CPHXL2: variants seen among roughly 807,000 people sequenced by gnomAD.
The protein encoded by CPHXL2 is cytoplasmic polyadenylated homeobox like 2.
chr16:75,662,801 T>A, the CPHXL2 span, among the ~76,000 whole-genome samples: 93 of 141,228 alleles, frequency 6.6e-4, no homozygotes, highest in African/African-American at 2.4e-3. Flanking sequence ...TAATTCTTTT[T>A]TTTTTTTTTT....
At chr16:75,660,555 C>T in the CPHXL2 span, 1 of 398,562 alleles carries the variant, frequency 2.5e-6, no homozygotes. Flanking sequence ...CAACATCATC[C>T]CCTCTGAGTA....
chr16:75,675,205 A>C, the CPHXL2 span, among the ~76,000 whole-genome samples: 1 of 149,190 alleles, frequency 6.7e-6, no homozygotes. Context: ...AAAAAAAAAA[A>C]GAGATGGGGT....
the CPHXL2 span, among the ~76,000 whole-genome samples, chr16:75,668,367 T>G: frequency 6.6e-6 from 1 of 151,932 alleles, no homozygotes; most frequent in African/African-American, 2.4e-5. Context: ...TAGCTGAGAT[T>G]ACAGGCACGC....
chr16:75,676,869 G>T, the CPHXL2 span: 1 of 397,906 alleles, frequency 2.5e-6, no homozygotes, highest in South Asian at 1.3e-4. Flanking sequence ...ATATCAAACT[G>T]ACTGCCCACA....
the CPHXL2 span, among the ~76,000 whole-genome samples, chr16:75,673,530 C>T: frequency 6.6e-6 from 1 of 152,030 alleles, no homozygotes; most frequent in Non-Finnish European, 1.5e-5. Context: ...TTTCCTAGGT[C>T]TGTCTACCTG....
At chr16:75,676,047 C>G in the CPHXL2 span, among the ~76,000 whole-genome samples, 1 of 151,982 alleles carries the variant, frequency 6.6e-6, no homozygotes, top group Non-Finnish European at 1.5e-5. Context: ...CCATTGCACT[C>G]CAGCCTGGGT....
chr16:75,664,625 C>CAAAAAAAAAAAAAAAAAAAA, the CPHXL2 span, among the ~76,000 whole-genome samples: 1 of 113,094 alleles, frequency 8.8e-6, no homozygotes. Context: ...AACTCCATCT[C>CAAAAAAAAAAAAAAAAAAAA]AAAAAAAAAA....
chr16:75,665,700 T>C, the CPHXL2 span, among the ~76,000 whole-genome samples: 1 of 152,108 alleles, frequency 6.6e-6, no homozygotes, highest in Non-Finnish European at 1.5e-5. Flanking sequence ...CCAATTCTAC[T>C]AAAAATACAA....
chr16:75,660,872 CT>C, the CPHXL2 span: 1 of 398,536 alleles, frequency 2.5e-6, no homozygotes, highest in African/African-American at 2.1e-5. Context: ...AGCCTGGATG[CT>C]TTTCAGTACC....
chr16:75,660,329 G>A, the CPHXL2 span: 1 of 398,368 alleles, frequency 2.5e-6, no homozygotes, highest in East Asian at 3.6e-5. Flanking sequence ...TAAAACTGCT[G>A]CATTTGAGTC....
the CPHXL2 span, among the ~76,000 whole-genome samples, chr16:75,663,774 T>C: frequency 1.3e-5 from 2 of 151,462 alleles, no homozygotes; most frequent in Admixed American, 1.3e-4. Context: ...TAGTCCCAGT[T>C]ACTCAGGAGG....
chr16:75,661,670 A>G, the CPHXL2 span, among the ~76,000 whole-genome samples: 1 of 152,084 alleles, frequency 6.6e-6, no homozygotes, highest in African/African-American at 2.4e-5. Flanking sequence ...ATGCTCTTCC[A>G]CCAGGAAGAA....
chr16:75,677,002 C>T, the CPHXL2 span: 802 of 398,446 alleles, frequency 2.0e-3, 16 homozygotes, highest in East Asian at 0.02. Context: ...GAAGACATGT[C>T]GAAACTCCAG....
the CPHXL2 span, chr16:75,660,576 T>C: frequency 2.5e-6 from 1 of 398,504 alleles, no homozygotes; most frequent in African/African-American, 2.1e-5. Flanking sequence ...ATTCTGAGGC[T>C]GTTGGTGCTG....
the CPHXL2 span, among the ~76,000 whole-genome samples, chr16:75,662,003 C>T: frequency 1.3e-5 from 2 of 152,148 alleles, no homozygotes; most frequent in African/African-American, 4.8e-5. Context: ...TCCCACAGGT[C>T]GAGGGCTCAG....
chr16:75,662,378 G>A, the CPHXL2 span, among the ~76,000 whole-genome samples: 1 of 137,406 alleles, frequency 7.3e-6, no homozygotes, highest in African/African-American at 2.8e-5. Context: ...GCACAGGCAT[G>A]ATTGATTAAA....
chr16:75,670,704 C>G, the CPHXL2 span, among the ~76,000 whole-genome samples: 1 of 152,062 alleles, frequency 6.6e-6, no homozygotes, highest in Non-Finnish European at 1.5e-5. Context: ...CCATGTTGGC[C>G]AAGGCTGATC....
the CPHXL2 span, among the ~76,000 whole-genome samples, chr16:75,667,614 C>A: frequency 4.7e-4 from 71 of 152,194 alleles, no homozygotes; most frequent in Non-Finnish European, 9.0e-4. Context: ...TTGGTTCATG[C>A]AGCAGATAAT....
At chr16:75,666,169 G>C in the CPHXL2 span, among the ~76,000 whole-genome samples, 1 of 152,174 alleles carries the variant, frequency 6.6e-6, no homozygotes, top group Non-Finnish European at 1.5e-5. Context: ...AGCAACAGCA[G>C]TTAGAAAAGA....
Sources: allele counts gnomAD v4.1 joint callset (sites outside exome capture counted in the v4.1 genomes callset), GRCh38; gene constraint gnomAD v4.1.1; transcripts MANE v1.5; gene names NCBI Gene and HGNC (gene_info 2026-07-23, HGNC 2026-07-21).